The following RAD21L1 variants were observed in gnomAD, a reference collection of about 807,000 sequenced individuals.
RAD21L1 encodes RAD21 cohesin complex component like 1.
In RAD21L1, 47 loss-of-function variants were observed where a neutral mutation model predicts 69.0. The ratio of observed to expected loss-of-function variants is 0.68; its 90% CI spans 0.54 to 0.87. The LOEUF (loss-of-function observed/expected upper bound fraction) is 0.87. Ranked by LOEUF, RAD21L1 falls within the 40% of genes least tolerant of loss-of-function variation. The pLI is 0.00. For missense variants in RAD21L1, 583 were observed against 647.6 expected (o/e 0.90, Z 1.08); for synonymous variants, 177 against 205.8 (o/e 0.86, Z 1.20).
intron 13 of RAD21L1, among the ~76,000 whole-genome samples, chr20:1,249,994 A>G (rs921106080): frequency 7.2e-6 from 1 of 139,472 alleles, no homozygotes; most frequent in Non-Finnish European, 1.6e-5. Flanking sequence ...TCCTAATGCT[A>G]TCCCTCCCCC....
chr20:1,245,995 A>C (rs1167832836), intron 11 of RAD21L1, among the ~76,000 whole-genome samples: 1 of 152,076 alleles, frequency 6.6e-6, no homozygotes, highest in African/African-American at 2.4e-5. Flanking sequence ...AGGGGCATGC[A>C]AGTTCTTCCT....
chr20:1,230,312 G>C (rs2087363833), intron 3 of RAD21L1, among the ~76,000 whole-genome samples: 1 of 152,100 alleles, frequency 6.6e-6, no homozygotes, highest in African/African-American at 2.4e-5. Context: ...CATTTAGTTT[G>C]TCGTGCCTGT....
In RAD21L1 at chr20:1,246,235, T is replaced by C; in HGVS notation, c.1331T>C (p.Leu444Ser). The change falls in exon 12 of 14, where the codon TTA (leucine) becomes TCA (serine). Residue 444 changes from leucine (L) to serine (S), a missense_variant. Transcript: ENST00000683101. This position sits in a 1 kb window ranked among gnomAD's most constrained non-coding sequence, Gnocchi z 4.6. ...NSEDIVEMVS[L>S]AAEESSLMND... The stretch of plus-strand genomic sequence containing the variant: ...CAGGATATTGTTGAAATGGTGTCTT[T>C]AGCTGCTGAGGAATCATCTTTAATG... The C allele has an allele frequency of 1.3e-6, 2 of 1,540,660 alleles. No homozygotes were observed. The highest frequency in any genetic ancestry group is 1.8e-6 in the Non-Finnish European group (2 of 1,142,626).
Position 1,239,381 on chromosome 20 carries a change from C to T in RAD21L1, c.716C>T (p.Pro239Leu), listed in dbSNP as rs944590039. The T allele has an allele frequency of 1.3e-6, 2 of 1,547,816 alleles. No homozygotes were observed. Among genetic ancestry groups the T allele is most frequent in the Non-Finnish European group, 1.7e-6 (2 of 1,143,542 alleles). Residue 239 changes from proline to leucine, a missense_variant, in exon 7 of 14, where the codon CCT (proline) becomes CTT (leucine). Physicochemically the swap from Pro to Leu is moderately conservative, Grantham distance 98 (BLOSUM62 -3). Coordinates refer to ENST00000683101, the MANE Select transcript of RAD21L1 (RefSeq NM_001384355.1). ...DMHLNREISL[P>L]SEPPNSLAVE... ...CATTTGAACAGAGAAATTTCCCTGC[C>T]TTCTGAGCCTCCCAATAGTTTAGCA... is the stretch of plus-strand genomic sequence containing the variant.
chr20:1,233,121 A>G (rs2087425076), intron 4 of RAD21L1, among the ~76,000 whole-genome samples: 1 of 152,252 alleles, frequency 6.6e-6, no homozygotes, highest in Non-Finnish European at 1.5e-5. Flanking sequence ...CAGTTACCCA[A>G]TCTAAGTTAT....
chr20:1,240,473 A>G (rs753768091), intron 8 of RAD21L1, 39 bp downstream of exon 8: 15 of 1,525,826 alleles, frequency 9.8e-6, no homozygotes, highest in South Asian at 1.3e-5. Context: ...TTTTTAATAC[A>G]CTGTTAACTT....
intron 13 of RAD21L1, among the ~76,000 whole-genome samples, chr20:1,248,972 A>G (rs1270769068): frequency 6.6e-6 from 1 of 152,188 alleles, no homozygotes; most frequent in Non-Finnish European, 1.5e-5. Flanking sequence ...GCATGATACC[A>G]ACTAATTCTC....
intron 12 of RAD21L1, among the ~76,000 whole-genome samples, chr20:1,247,272 G>C (rs2087736333): frequency 6.6e-6 from 1 of 152,180 alleles, no homozygotes; most frequent in South Asian, 2.1e-4. Flanking sequence ...TGTCCAGATA[G>C]ATCAAGTGGA....
At chr20:1,234,297 G>A (rs1429124049) in intron 5 of RAD21L1, 106 bp downstream of exon 5, 2 of 632,554 alleles carry the variant, frequency 3.2e-6, no homozygotes, top group Non-Finnish European at 5.7e-6. Context: ...ATCTTTTGAT[G>A]TGTAAATGTA....
chr20:1,246,325 T>C lies in RAD21L1; in HGVS notation c.1401+20T>C. The C allele has an allele frequency of 2.3e-6, 3 of 1,278,002 alleles. No homozygotes were observed. The highest frequency in any genetic ancestry group is 3.2e-6 in the Non-Finnish European group (3 of 938,942). 79.2% of individuals were successfully genotyped at this position (1,278,002 alleles called of 1,614,324 possible). ...GAATTGGTAAATATATGTGTAGTCT[T>C]GGGGATGTTCTTAAAAACTTTATTC... On this transcript the variant is annotated intron_variant, in intron 12 of 13. Coordinates refer to ENST00000683101, the MANE Select transcript of RAD21L1 (RefSeq NM_001384355.1). The surrounding 1 kb of genome is among the most constrained non-coding windows in gnomAD (Gnocchi z 4.6).
intron 13 of RAD21L1, among the ~76,000 whole-genome samples, chr20:1,252,361 C>T (rs780584912): frequency 6.6e-6 from 1 of 152,096 alleles, no homozygotes; most frequent in Non-Finnish European, 1.5e-5. Flanking sequence ...CTCTCACCTT[C>T]CCTAGATTGT....
intron 4 of RAD21L1, 72 bp downstream of exon 4, chr20:1,231,691 G>A: frequency 1.3e-6 from 1 of 788,856 alleles, no homozygotes; most frequent in Non-Finnish European, 2.1e-6. Flanking sequence ...ATTTAATTGA[G>A]TCAAATGGAA....
intron 13 of RAD21L1, among the ~76,000 whole-genome samples, chr20:1,252,604 G>A (rs1042072372): frequency 6.8e-6 from 1 of 147,170 alleles, no homozygotes; most frequent in Non-Finnish European, 1.5e-5. Flanking sequence ...AAGCCTCAAT[G>A]CTTGTTATCT....
chr20:1,241,464 T>C (rs1378846990), intron 8 of RAD21L1, among the ~76,000 whole-genome samples: 1 of 152,240 alleles, frequency 6.6e-6, no homozygotes, highest in Non-Finnish European at 1.5e-5. Context: ...ATAATTGATA[T>C]GAATTTCAGT....
At chr20:1,245,994 C>T (rs1046409112) in intron 11 of RAD21L1, among the ~76,000 whole-genome samples, 11 of 152,010 alleles carry the variant, frequency 7.2e-5, no homozygotes, top group Non-Finnish European at 1.3e-4. Context: ...AAGGGGCATG[C>T]AAGTTCTTCC....
At chr20:1,226,615 C>T (rs894516276) in intron 1 of RAD21L1, among the ~76,000 whole-genome samples, 5 of 151,884 alleles carry the variant, frequency 3.3e-5, no homozygotes, top group African/African-American at 7.3e-5. Flanking sequence ...TTCCTCCCTC[C>T]CTTCGCTCCC....
chr20:1,226,444 C>T (rs140209361), intron 1 of RAD21L1: 2 of 152,582 alleles, frequency 1.3e-5, no homozygotes, highest in Non-Finnish European at 2.9e-5. Flanking sequence ...GTGGAGGAGC[C>T]TTTGGCGTCC....
chr20:1,252,004 C>T (rs2087844133), intron 13 of RAD21L1, among the ~76,000 whole-genome samples: 1 of 152,114 alleles, frequency 6.6e-6, no homozygotes, highest in Non-Finnish European at 1.5e-5. Context: ...CCTTGTGCCC[C>T]TTTTGAATCC....
intron 3 of RAD21L1, among the ~76,000 whole-genome samples, chr20:1,231,067 A>T (rs1218309612): frequency 6.6e-6 from 1 of 152,228 alleles, no homozygotes; most frequent in Non-Finnish European, 1.5e-5. Flanking sequence ...AGAAGATAGA[A>T]TTTAAGCTCA....
Sources: gnomAD v4.1 joint callset for allele counts (sites outside exome capture counted in the v4.1 genomes callset) on GRCh38, gnomAD v4.1.1 for gene constraint, Gnocchi (gnomAD v3.1) non-coding constraint, MANE v1.5 for transcripts, NCBI Gene and HGNC (gene_info 2026-07-23, HGNC 2026-07-21) for gene names.